TRAPPC9: variants seen among roughly 807,000 people sequenced by gnomAD.
TRAPPC9 encodes the protein IKK2 binding protein.
In TRAPPC9, 83 loss-of-function variants were observed where a neutral mutation model predicts 124.0. That is an observed-to-expected ratio of 0.67 (90% CI 0.56 to 0.80). The LOEUF is 0.80. Among genes scored for constraint, TRAPPC9 ranks in the 30% least tolerant of loss-of-function variants. The pLI, the probability that TRAPPC9 is intolerant of heterozygous loss-of-function variation, is 0.00. For synonymous variants in TRAPPC9, 638 were observed against 617.5 expected (o/e 1.03, Z -0.49); for missense variants, 1,302 against 1,508.3 (o/e 0.86, Z 2.27).
intron 21 of TRAPPC9, among the ~76,000 whole-genome samples, chr8:139,841,204 C>T (rs1487547239): frequency 6.6e-6 from 1 of 152,200 alleles, no homozygotes; most frequent in African/African-American, 2.4e-5. Context: ...TCACTCCGCC[C>T]TCCTCTTCTG....
chr8:139,952,890 T>C (rs1172237645), intron 19 of TRAPPC9, among the ~76,000 whole-genome samples: 4 of 152,210 alleles, frequency 2.6e-5, no homozygotes, highest in Non-Finnish European at 4.4e-5. Context: ...TAACACACTT[T>C]ACAGATGTGG....
At chr8:139,852,440 A>G (rs1348193531) in intron 21 of TRAPPC9, among the ~76,000 whole-genome samples, 1 of 152,116 alleles carries the variant, frequency 6.6e-6, no homozygotes, top group African/African-American at 2.4e-5. Context: ...GAGGCTCCTC[A>G]CCGAGTGCCA....
chr8:139,822,126 A>AC (rs1326776791), intron 21 of TRAPPC9, among the ~76,000 whole-genome samples: 1 of 151,928 alleles, frequency 6.6e-6, no homozygotes, highest in Non-Finnish European at 1.5e-5. Flanking sequence ...TCAATTAAAA[A>AC]CCCATTACCT....
intron 21 of TRAPPC9, among the ~76,000 whole-genome samples, chr8:139,736,627 AC>A (rs1172764701): frequency 6.6e-6 from 1 of 151,944 alleles, no homozygotes; most frequent in Non-Finnish European, 1.5e-5. Context: ...CTCCCCTGGG[AC>A]CCCCAGGGTA....
intron 21 of TRAPPC9, among the ~76,000 whole-genome samples, chr8:139,875,023 GGC>G (rs1352530074): frequency 6.6e-6 from 1 of 152,238 alleles, no homozygotes; most frequent in Non-Finnish European, 1.5e-5. Context: ...CTTCCTGAAA[GGC>G]GCAGTAGGTG....
At chr8:140,046,085 C>A (rs1241753842) in intron 17 of TRAPPC9, among the ~76,000 whole-genome samples, 1 of 152,190 alleles carries the variant, frequency 6.6e-6, no homozygotes, top group African/African-American at 2.4e-5. Context: ...ACCCTTCTCC[C>A]TGAGGAACAC....
chr8:140,446,177 C>T (rs2071246864), intron 2 of TRAPPC9, among the ~76,000 whole-genome samples: 2 of 151,766 alleles, frequency 1.3e-5, no homozygotes, highest in African/African-American at 4.8e-5. Flanking sequence ...GCCTGTAATC[C>T]CAGCTACTTG....
At chr8:140,186,332 C>T (rs1158226181) in intron 17 of TRAPPC9, among the ~76,000 whole-genome samples, 2 of 152,086 alleles carry the variant, frequency 1.3e-5, no homozygotes. Flanking sequence ...GCCTGTAATC[C>T]CAGCACTTTG....
At chr8:139,754,149 C>T (rs1005177576) in intron 21 of TRAPPC9, among the ~76,000 whole-genome samples, 3 of 152,180 alleles carry the variant, frequency 2.0e-5, no homozygotes, top group African/African-American at 7.2e-5. Flanking sequence ...AAGGCCCCCC[C>T]AGCCTGCTGC....
At chr8:140,129,870 C>T (rs534193028) in intron 17 of TRAPPC9, among the ~76,000 whole-genome samples, 20 of 152,318 alleles carry the variant, frequency 1.3e-4, no homozygotes, top group Non-Finnish European at 2.4e-4. Flanking sequence ...CATGCACACG[C>T]ACATACATAC....
rs891429631 is a variant in TRAPPC9, at chr8:139,880,057, C to A, written c.3055+5822G>T. ...ACAGGGCAAGGTGCCTGTTCTCCCT[C>A]TCTTTGTATATACACAGATATATAA... On this transcript the variant is annotated intron_variant, in intron 21 of 22. Coordinates refer to ENST00000438773, the MANE Select transcript of TRAPPC9 (RefSeq NM_001160372.4). Among the ~76,000 whole-genome samples the A allele has an allele frequency of 2.0e-5, 3 of 152,314 alleles. No individual in the cohort carries two copies. In the East Asian group the frequency reaches 5.8e-4, roughly 29 times the overall value.
intron 19 of TRAPPC9, among the ~76,000 whole-genome samples, chr8:139,976,113 G>C (rs548953118): frequency 6.6e-6 from 1 of 151,644 alleles, no homozygotes; most frequent in Non-Finnish European, 1.5e-5. Context: ...GGATGGTCTC[G>C]ATCTCCTGAC....
At chr8:140,361,627 TCTAG>T (rs1387513273) in intron 8 of TRAPPC9, among the ~76,000 whole-genome samples, 3 of 152,240 alleles carry the variant, frequency 2.0e-5, no homozygotes, top group Non-Finnish European at 4.4e-5. Flanking sequence ...AACCTTTGAC[TCTAG>T]CTGTGACATG....
intron 17 of TRAPPC9, among the ~76,000 whole-genome samples, chr8:140,203,324 G>A (rs1270745332): frequency 6.6e-6 from 1 of 152,224 alleles, no homozygotes; most frequent in Non-Finnish European, 1.5e-5. Flanking sequence ...TCATGGTCGT[G>A]ATCTCTGGGC....
intron 17 of TRAPPC9, among the ~76,000 whole-genome samples, chr8:140,187,443 G>A (rs951808241): frequency 6.6e-6 from 1 of 152,136 alleles, no homozygotes; most frequent in Non-Finnish European, 1.5e-5. Flanking sequence ...AGCTGCTTCC[G>A]AGGGTCCCAC....
chr8:139,802,225 A>G (rs1458608245), intron 21 of TRAPPC9, among the ~76,000 whole-genome samples: 1 of 152,220 alleles, frequency 6.6e-6, no homozygotes. Flanking sequence ...CTTGGAGTGA[A>G]GACTGCCCAC....
intron 17 of TRAPPC9, among the ~76,000 whole-genome samples, chr8:140,201,292 A>G (rs1469892303): frequency 6.6e-6 from 1 of 152,190 alleles, no homozygotes; most frequent in African/African-American, 2.4e-5. Flanking sequence ...CCAGAATGCA[A>G]TTTTCACAAT....
chr8:140,171,352 A>C (rs1195824005), intron 17 of TRAPPC9, among the ~76,000 whole-genome samples: 3 of 152,236 alleles, frequency 2.0e-5, no homozygotes, highest in East Asian at 3.8e-4. Flanking sequence ...TTAGTAAATA[A>C]ATGCTGCAAC....
chr8:140,001,353 C>A (rs1178426514), intron 18 of TRAPPC9, among the ~76,000 whole-genome samples: 1 of 151,558 alleles, frequency 6.6e-6, no homozygotes, highest in African/African-American at 2.4e-5. Context: ...CAAACCTGCA[C>A]ATTGTGCACA....
Sources: allele counts gnomAD v4.1 joint callset (sites outside exome capture counted in the v4.1 genomes callset), GRCh38; gene constraint gnomAD v4.1.1; transcripts MANE v1.5; gene names NCBI Gene and HGNC (gene_info 2026-07-23, HGNC 2026-07-21).